BRAP: variants seen among roughly 807,000 people sequenced by gnomAD.
BRAP encodes BRCA1 associated protein.
BRAP carries 42 observed loss-of-function variants against 73.4 expected under a neutral mutation model. The ratio of observed to expected loss-of-function variants is 0.57; its 90% confidence interval spans 0.45 to 0.74. The LOEUF (loss-of-function observed/expected upper bound fraction) is 0.74, where lower values mean the gene tolerates loss of function less well. Ranked by LOEUF, BRAP falls within the 30% of genes least tolerant of loss-of-function variation. The probability of loss-of-function intolerance (pLI) is 0.00; values close to 1 mark genes in which losing one functional copy is unlikely to be tolerated. For missense variants in BRAP, 593 were observed against 751.4 expected, an observed-to-expected ratio of 0.79 and a Z score of 2.46; for synonymous variants, 255 against 267.4, an observed-to-expected ratio of 0.95 and a Z score of 0.45.
At chr12:111,664,514 G>A (rs1886866722) in intron 6 of BRAP, among the ~76,000 whole-genome samples, 1 of 152,156 alleles carries the variant, frequency 6.6e-6, no homozygotes, top group African/African-American at 2.4e-5. Context: ...AATTGACTGA[G>A]GACTCCACGG....
At chr12:111,672,822 G>A in intron 4 of BRAP, 48 bp from the exon 5 acceptor site, 1 of 1,443,906 alleles carries the variant, frequency 6.9e-7, no homozygotes, top group Non-Finnish European at 9.7e-7. Context: ...CAGATACCCT[G>A]AAAATCTGCT....
At chr12:111,662,231 T>C (rs548534657) in intron 6 of BRAP, among the ~76,000 whole-genome samples, 1 of 152,230 alleles carries the variant, frequency 6.6e-6, no homozygotes, top group Admixed American at 6.5e-5. Flanking sequence ...CTGACTGAAC[T>C]GGCACCAGGA....
intron 4 of BRAP, among the ~76,000 whole-genome samples, chr12:111,674,573 C>T (rs990749369): frequency 2.0e-5 from 3 of 152,128 alleles, no homozygotes; most frequent in African/African-American, 7.2e-5. Flanking sequence ...ACCAAGTGAG[C>T]TAAGCAGCTG....
At chr12:111,666,162 A>C (rs1194832815) in intron 5 of BRAP, among the ~76,000 whole-genome samples, 1 of 152,218 alleles carries the variant, frequency 6.6e-6, no homozygotes, top group East Asian at 1.9e-4. Context: ...CCTGTGTTCC[A>C]GCACTGTGCC....
rs1433279475 is a variant in BRAP at position 111,642,315 on chromosome 12, T to C, written c.*1884A>G. 3 of 152,148 alleles carry C rather than the reference T, an allele frequency of 2.0e-5. No individual in the cohort carries two copies. Among genetic ancestry groups the C allele is most frequent in the South Asian group, 2.1e-4 (1 of 4,828 alleles). The allele number at this position is 152,148 out of a possible 1,614,324, so 9.4% of individuals were successfully genotyped here. On this transcript the variant is annotated 3_prime_UTR_variant, in exon 12 of 12. Coordinates refer to ENST00000419234, the MANE Select transcript of BRAP (RefSeq NM_006768.5). ...AAAAAAATTTTTTTTTCTTTACGTA[T>C]CTTGGTAAGATTTTTTTTTTTTCTG...
chr12:111,671,821 G>A (rs1887186427), intron 5 of BRAP, among the ~76,000 whole-genome samples: 2 of 151,602 alleles, frequency 1.3e-5, no homozygotes, highest in South Asian at 4.2e-4. Flanking sequence ...GAGTAGCTGG[G>A]ACCAAAGGTG....
chr12:111,676,027 C>G (rs955236544), intron 4 of BRAP, among the ~76,000 whole-genome samples: 1 of 152,086 alleles, frequency 6.6e-6, no homozygotes, highest in Non-Finnish European at 1.5e-5. Context: ...AGCACACCCC[C>G]CCTTTTTTTT....
At chr12:111,661,200 G>A (rs1013482564) in intron 6 of BRAP, among the ~76,000 whole-genome samples, 1 of 149,908 alleles carries the variant, frequency 6.7e-6, no homozygotes, top group African/African-American at 2.5e-5. Flanking sequence ...GGATGGTCTC[G>A]ATCTCTTGAC....
At chr12:111,663,585 A>C (rs1222031816) in intron 6 of BRAP, among the ~76,000 whole-genome samples, 1 of 151,962 alleles carries the variant, frequency 6.6e-6, no homozygotes, top group Non-Finnish European at 1.5e-5. Flanking sequence ...CATCTCTATC[A>C]AAAAGACCAA....
chr12:111,659,379 T>TA (rs1566116203), intron 7 of BRAP, 34 bp from the exon 8 acceptor site: 1 of 1,591,692 alleles, frequency 6.3e-7, no homozygotes, highest in Admixed American at 1.7e-5. Context: ...ATTAGTTAAA[T>TA]AAAAATAAAT....
chr12:111,681,880 A>G, intron 2 of BRAP, 45 bp from the exon 3 acceptor site: 1 of 1,514,050 alleles, frequency 6.6e-7, no homozygotes, highest in East Asian at 2.3e-5. Flanking sequence ...GATAGGACAT[A>G]TGCTGAAGGA....
chr12:111,648,858 G>A (rs936284964), intron 11 of BRAP, among the ~76,000 whole-genome samples: 14 of 151,886 alleles, frequency 9.2e-5, no homozygotes, highest in Admixed American at 2.6e-4. Flanking sequence ...CCCGGGAGGC[G>A]GAGCTTGCAG....
At chr12:111,659,602 C>T (rs113646983) in intron 7 of BRAP, among the ~76,000 whole-genome samples, 11 of 152,138 alleles carry the variant, frequency 7.2e-5, no homozygotes, top group South Asian at 2.1e-4. Context: ...TGCAGTGACC[C>T]GAAATCGTGC....
In BRAP at chr12:111,643,752, G is replaced by A. The variant is rs1035133944; in HGVS notation, c.*447C>T. 1.9e-5 allele frequency: 3 copies of A among 160,156 alleles called. No individual in the cohort carries two copies. Among genetic ancestry groups the A allele is most frequent in the African/African-American group, 7.2e-5 (3 of 41,500 alleles). 9.9% of individuals were successfully genotyped at this position (160,156 alleles called of 1,614,324 possible). ...TTTTCATAACTCCTTAATAGCCAAT[G>A]GAAACCTCTCTTTAAAGCAGCTGTT... On this transcript the variant is annotated 3_prime_UTR_variant, in exon 12 of 12. Coordinates refer to ENST00000419234, the MANE Select transcript of BRAP (RefSeq NM_006768.5).
rs774597983 is a variant in BRAP, at chr12:111,644,318, G to A, written c.1660C>T (p.Arg554Trp). ...ATCTGTCCCTCCTGGATTTCCTGCC[G>A]GGTCTCGGCAGGCAGATGGTTGATC... ...QKINHLPAET[R>W]QEIQEGQINI... The change falls in exon 12 of 12, where the codon CGG becomes TGG. Residue 554 changes from arginine to tryptophan, a missense_variant. By Grantham distance (101) the Arg-to-Trp change is moderately radical. Coordinates refer to ENST00000419234, the MANE Select transcript of BRAP (RefSeq NM_006768.5). The A allele has an allele frequency of 3.7e-6, 6 of 1,613,920 alleles. No individual in the cohort carries two copies. The highest frequency in any genetic ancestry group is 1.7e-5 in the Admixed American group (1 of 59,950).
rs751892056 is a variant in BRAP, at chr12:111,644,186, G to C, written c.*13C>G. On this transcript the variant is annotated 3_prime_UTR_variant, in exon 12 of 12. Transcript: ENST00000419234. ...AGGGAGAACAGTCTCAGGGATGTCT[G>C]TTGCTCTGAAGGTCACTTGCCCCTC... 6.2e-7 allele frequency: 1 copy of C among 1,603,790 alleles called. No individual in the cohort carries two copies. The highest frequency in any genetic ancestry group is 2.2e-5 in the East Asian group (1 of 44,822).
chr12:111,648,040 C>A (rs763039752), intron 11 of BRAP, among the ~76,000 whole-genome samples: 10 of 152,018 alleles, frequency 6.6e-5, no homozygotes, highest in Non-Finnish European at 1.2e-4. Context: ...TGGCTCAAGG[C>A]TGTAATCCCA....
At chr12:111,668,994 T>C (rs903225814) in intron 5 of BRAP, among the ~76,000 whole-genome samples, 1 of 152,146 alleles carries the variant, frequency 6.6e-6, no homozygotes, top group African/African-American at 2.4e-5. Flanking sequence ...TATCCACTGA[T>C]AGCAATGCAA....
chr12:111,660,524 A>T, intron 7 of BRAP, 76 bp downstream of exon 7: 3 of 1,249,996 alleles, frequency 2.4e-6, no homozygotes, highest in East Asian at 2.5e-5. Flanking sequence ...TAAAGAACTT[A>T]AGTCATACCA....
Sources: allele counts gnomAD v4.1 joint callset (sites outside exome capture counted in the v4.1 genomes callset), GRCh38; gene constraint gnomAD v4.1.1; transcripts MANE v1.5; gene names NCBI Gene and HGNC (gene_info 2026-07-23, HGNC 2026-07-21).